The following EPHA5 variants were observed in gnomAD, a reference collection of about 807,000 sequenced individuals.
The protein encoded by EPHA5 is EPH receptor A5, also known as ephrin type-A receptor 5.
In EPHA5, 60 loss-of-function variants were observed where a neutral mutation model predicts 105.0. The ratio of observed to expected loss-of-function variants is 0.57; its 90% confidence interval spans 0.46 to 0.71. The LOEUF is 0.71. Among genes scored for constraint, EPHA5 ranks in the 30% least tolerant of loss-of-function variants. The pLI, the probability that EPHA5 is intolerant of heterozygous loss-of-function variation, is 0.00. For synonymous variants in EPHA5, 513 were observed against 449.1 expected, an observed-to-expected ratio of 1.14 and a Z score of -1.80; for missense variants, 1,218 against 1,274.7, an observed-to-expected ratio of 0.96 and a Z score of 0.68.
intron 3 of EPHA5, among the ~76,000 whole-genome samples, chr4:65,541,207 T>G (rs2149321317): frequency 6.6e-6 from 1 of 151,634 alleles, no homozygotes; most frequent in Non-Finnish European, 1.5e-5. Context: ...GTGTGAAAAA[T>G]AACTAGATAG....
chr4:65,327,502 T>G (rs2148786900), intron 16 of EPHA5, among the ~76,000 whole-genome samples: 1 of 151,390 alleles, frequency 6.6e-6, no homozygotes, highest in Admixed American at 6.6e-5. Flanking sequence ...AAATGATGTT[T>G]TCTCCCATGA....
intron 1 of EPHA5, among the ~76,000 whole-genome samples, chr4:65,650,302 C>T (rs1748478722): frequency 6.6e-6 from 1 of 151,284 alleles, no homozygotes; most frequent in African/African-American, 2.4e-5. Context: ...GATCCCAGCA[C>T]TTTGGGAGGC....
intron 5 of EPHA5, among the ~76,000 whole-genome samples, chr4:65,474,312 G>GAGTA (rs1436732857): frequency 3.3e-5 from 5 of 152,066 alleles, no homozygotes; most frequent in Admixed American, 2.0e-4. Flanking sequence ...AAGAAATAAA[G>GAGTA]AGTATTTAAA....
chr4:65,607,976 T>C (rs761476875), intron 2 of EPHA5, among the ~76,000 whole-genome samples: 2 of 152,128 alleles, frequency 1.3e-5, no homozygotes, highest in African/African-American at 2.4e-5. Context: ...TGGTCACATA[T>C]ATACACCATG....
At chr4:65,389,994 C>G (rs1720542491) in intron 8 of EPHA5, among the ~76,000 whole-genome samples, 1 of 152,048 alleles carries the variant, frequency 6.6e-6, no homozygotes, top group Non-Finnish European at 1.5e-5. Flanking sequence ...ACTAAACTTT[C>G]AACTATATTT....
At chr4:65,609,950 A>G (rs1464730274) in intron 2 of EPHA5, among the ~76,000 whole-genome samples, 4 of 152,146 alleles carry the variant, frequency 2.6e-5, no homozygotes, top group African/African-American at 4.8e-5. Flanking sequence ...GAGAGATATT[A>G]AACAGTTTCT....
rs115585222 is a variant in EPHA5, at chr4:65,614,517, A to G, written c.247-12213T>C. On this transcript the variant is annotated intron_variant, in intron 2 of 16. Transcript: ENST00000613740. ...CTCCCTTTATTATTCTGTTTGCTGT[A>G]TCTGATAGTTTGTCAGCTATGTAAG... is the stretch of plus-strand genomic sequence containing the variant. 7.8e-4 allele frequency among the ~76,000 whole-genome samples: 119 copies of G among 151,990 alleles called. 1 individual carries two copies. Among genetic ancestry groups the G allele is most frequent in the African/African-American group, 2.8e-3 (117 of 41,554 alleles).
intron 2 of EPHA5, among the ~76,000 whole-genome samples, chr4:65,604,764 A>G (rs909845830): frequency 6.6e-6 from 1 of 152,122 alleles, no homozygotes; most frequent in Non-Finnish European, 1.5e-5. Context: ...AGAGAAAGTA[A>G]CACTCACCAA....
Position 65,420,449 on chromosome 4 carries a change from A to C in EPHA5, c.1519T>G (p.Phe507Val). The C allele has an allele frequency of 6.3e-7, 1 of 1,589,676 alleles. No individual in the cohort carries two copies. The highest frequency in any genetic ancestry group is 8.5e-7 in the Non-Finnish European group (1 of 1,169,890). ...GIILEYEIKY[F>V]EKDQETSYTI... ...TATTCTGTTAGTCTTACCTTTTCAA[A>C]ATACTTGATTTCATACTCTAGGATG... The change falls in exon 6 of 17, where the codon TTT becomes GTT. Residue 507 changes from phenylalanine (F) to valine (V), a missense_variant. Phe to Val is a conservative substitution (Grantham distance 50). Coordinates refer to ENST00000613740, the MANE Select transcript of EPHA5 (RefSeq NM_001281766.3).
chr4:65,473,979 T>A (rs1240578803), intron 5 of EPHA5, among the ~76,000 whole-genome samples: 2 of 150,168 alleles, frequency 1.3e-5, no homozygotes, highest in Non-Finnish European at 3.0e-5. Flanking sequence ...CTTTTTACAC[T>A]TGGACACAGG....
intron 6 of EPHA5, among the ~76,000 whole-genome samples, chr4:65,415,790 T>A (rs2149025255): frequency 6.6e-6 from 1 of 152,120 alleles, no homozygotes; most frequent in South Asian, 2.1e-4. Context: ...TTGACAAACG[T>A]GTAATGCTCT....
rs766834459 is a variant in EPHA5 at position 65,626,235 on chromosome 4, CACAA to C, written c.246+17124_246+17127del. On this transcript the variant is annotated intron_variant, in intron 2 of 16. Transcript: ENST00000613740. ...AACATGGCTTGATATTTAAATTTAT[CACAA>C]ACAATGAAAGAACAAAATGTAATAA... Among the ~76,000 whole-genome samples the C allele has an allele frequency of 4.4e-4, 67 of 151,754 alleles. 1 individual carries two copies. Among genetic ancestry groups the C allele is most frequent in the Admixed American group, 1.5e-3 (23 of 15,256 alleles).
intron 3 of EPHA5, among the ~76,000 whole-genome samples, chr4:65,596,504 C>CA (rs747679729): frequency 3.3e-5 from 5 of 151,570 alleles, no homozygotes; most frequent in Non-Finnish European, 7.4e-5. Context: ...AAACAAAAAA[C>CA]AAAAAAACAA....
intron 3 of EPHA5, among the ~76,000 whole-genome samples, chr4:65,557,654 A>G (rs1738590537): frequency 6.6e-6 from 1 of 152,088 alleles, no homozygotes; most frequent in South Asian, 2.1e-4. Flanking sequence ...GTAACATCTT[A>G]TGAAGAAGTG....
rs946694505 is a variant in EPHA5, at chr4:65,547,231, A to T, written c.911-51688T>A. On this transcript the variant is annotated intron_variant, in intron 3 of 16. Coordinates refer to ENST00000613740, the MANE Select transcript of EPHA5 (RefSeq NM_001281766.3). ...AAGTTTGACTTTTTACACCCTGTGG[A>T]CTTCCCTGCTACCTGCAGTTGCCTA... is the stretch of plus-strand genomic sequence containing the variant. Among the ~76,000 whole-genome samples the T allele has an allele frequency of 2.6e-5, 4 of 151,672 alleles. No homozygotes were observed. The Admixed American group carries it at 2.6e-4, about 10-fold the overall frequency.
intron 3 of EPHA5, among the ~76,000 whole-genome samples, chr4:65,544,911 C>G (rs148335148): frequency 6.7e-6 from 1 of 149,452 alleles, no homozygotes; most frequent in African/African-American, 2.5e-5. Context: ...GGAATGAGAT[C>G]GTGTCCTTGC....
chr4:65,586,488 C>T (rs1351882505), intron 3 of EPHA5, among the ~76,000 whole-genome samples: 1 of 151,756 alleles, frequency 6.6e-6, no homozygotes, highest in Non-Finnish European at 1.5e-5. Context: ...AAACAGGTAG[C>T]AGTTACTATT....
At chr4:65,356,288 G>A (rs1467415974) in intron 11 of EPHA5, among the ~76,000 whole-genome samples, 1 of 151,386 alleles carries the variant, frequency 6.6e-6, no homozygotes, top group African/African-American at 2.4e-5. Context: ...TTATGGGTTA[G>A]TGGTAAATAT....
intron 6 of EPHA5, among the ~76,000 whole-genome samples, chr4:65,418,797 A>G (rs374343997): frequency 2.8e-4 from 42 of 150,440 alleles, no homozygotes; most frequent in African/African-American, 9.0e-4. Context: ...TGAATGAAAG[A>G]AGAAAATTTA....
Sources: gnomAD v4.1 joint callset for allele counts (sites outside exome capture counted in the v4.1 genomes callset) on GRCh38, gnomAD v4.1.1 for gene constraint, MANE v1.5 for transcripts, NCBI Gene and HGNC (gene_info 2026-07-23, HGNC 2026-07-21) for gene names.